The following GJB7 variants were observed in gnomAD, a reference collection of about 807,000 sequenced individuals.
GJB7 encodes gap junction beta-7 protein.
For synonymous variants in GJB7, 87 were observed against 95.2 expected (o/e 0.91, Z 0.50); for missense variants, 253 against 256.8 (o/e 0.99, Z 0.10).
At chr6:87,298,320 T>A (rs1236602388) in intron 2 of GJB7, among the ~76,000 whole-genome samples, 2 of 152,196 alleles carry the variant, frequency 1.3e-5, no homozygotes, top group Non-Finnish European at 2.9e-5. Context: ...TTTTCACTGA[T>A]ATAGAAGCAG....
chr6:87,301,049 C>T (rs550320231), intron 2 of GJB7, among the ~76,000 whole-genome samples: 59 of 152,236 alleles, frequency 3.9e-4, no homozygotes, highest in African/African-American at 8.4e-4. Flanking sequence ...ATTAGAGGGG[C>T]GGTTCCAATA....
intron 1 of GJB7, among the ~76,000 whole-genome samples, chr6:87,323,435 C>G (rs1420949163): frequency 8.4e-6 from 1 of 119,058 alleles, no homozygotes; most frequent in African/African-American, 3.2e-5. Context: ...TCCCCCCACC[C>G]CACAACAGAC....
In GJB7 at chr6:87,323,029, C is replaced by T. The variant is rs1327998648; in HGVS notation, c.-191G>A. 1 of 151,218 alleles carries T rather than the reference C, an allele frequency of 6.6e-6. No individual in the cohort carries two copies. The highest frequency in any genetic ancestry group is 1.5e-5 in the Non-Finnish European group (1 of 68,052). 9.4% of individuals were successfully genotyped at this position (151,218 alleles called of 1,614,324 possible). On this transcript the variant is annotated 5_prime_UTR_variant, in exon 2 of 3. Transcript: ENST00000525899. ...TTTCTTTTGTCATAGTGCGGACACT[C>T]GTGCTTTTTCAGCCCTGCAACACAA... is the stretch of plus-strand genomic sequence containing the variant.
intron 2 of GJB7, among the ~76,000 whole-genome samples, chr6:87,303,908 C>T (rs1776377834): frequency 6.6e-6 from 1 of 152,192 alleles, no homozygotes; most frequent in African/African-American, 2.4e-5. Flanking sequence ...AACTGAACAA[C>T]CTGCCCCTGA....
chr6:87,287,485 C>G (rs1776081235), intron 2 of GJB7, among the ~76,000 whole-genome samples: 1 of 152,174 alleles, frequency 6.6e-6, no homozygotes, highest in Admixed American at 6.5e-5. Flanking sequence ...TCAGGGAAAA[C>G]AAAGCTACAT....
intron 2 of GJB7, among the ~76,000 whole-genome samples, chr6:87,289,262 G>T (rs1230517379): frequency 6.6e-6 from 1 of 152,014 alleles, no homozygotes; most frequent in East Asian, 1.9e-4. Context: ...TGGTATTCTT[G>T]TTCATTATGT....
intron 2 of GJB7, among the ~76,000 whole-genome samples, chr6:87,286,153 T>G (rs1263405703): frequency 6.6e-6 from 1 of 152,216 alleles, no homozygotes; most frequent in Admixed American, 6.5e-5. Flanking sequence ...GGATTCGACT[T>G]CTGCTTTCAC....
intron 2 of GJB7, among the ~76,000 whole-genome samples, chr6:87,301,980 A>G (rs1776335702): frequency 6.6e-6 from 1 of 152,252 alleles, no homozygotes; most frequent in African/African-American, 2.4e-5. Context: ...TAACTGTCAG[A>G]AGGAAAACTA....
At chr6:87,309,612 C>T (rs78942340) in intron 2 of GJB7, among the ~76,000 whole-genome samples, 5,813 of 152,200 alleles carry the variant, frequency 0.038, 382 homozygotes, top group African/African-American at 0.13. Context: ...CTGACAAAAC[C>T]AGTTTCTCAG....
chr6:87,303,059 C>A (rs1161834405), intron 2 of GJB7, among the ~76,000 whole-genome samples: 11 of 152,178 alleles, frequency 7.2e-5, no homozygotes, highest in African/African-American at 2.7e-4. Context: ...CCAGTACCAG[C>A]CACTGCAAAA....
intron 2 of GJB7, among the ~76,000 whole-genome samples, chr6:87,287,651 GA>G (rs1247118043): frequency 6.6e-6 from 1 of 152,046 alleles, no homozygotes; most frequent in African/African-American, 2.4e-5. Flanking sequence ...GATTAAAAAG[GA>G]AAAAATATGT....
intron 1 of GJB7, among the ~76,000 whole-genome samples, chr6:87,328,926 C>T (rs1185648048): frequency 2.0e-5 from 3 of 152,200 alleles, no homozygotes; most frequent in Non-Finnish European, 4.4e-5. Flanking sequence ...TAGGACCCTC[C>T]GAACCACGTG....
intron 1 of GJB7, among the ~76,000 whole-genome samples, 165 bp downstream of exon 1, chr6:87,328,973 C>T (rs1582090586): frequency 6.6e-6 from 1 of 152,206 alleles, no homozygotes; most frequent in African/African-American, 2.4e-5. Context: ...TTTTTAAGCC[C>T]GTCGGAAAAG....
At chr6:87,312,429 T>A (rs1247901344) in intron 2 of GJB7, among the ~76,000 whole-genome samples, 2 of 151,126 alleles carry the variant, frequency 1.3e-5, no homozygotes, top group Admixed American at 6.6e-5. Context: ...AAGAATTGCT[T>A]GAACTCGCGA....
At chr6:87,287,879 T>G (rs1448853496) in intron 2 of GJB7, among the ~76,000 whole-genome samples, 1 of 152,178 alleles carries the variant, frequency 6.6e-6, no homozygotes, top group Non-Finnish European at 1.5e-5. Context: ...ATGACTTTTA[T>G]TTTATAAATG....
intron 2 of GJB7, among the ~76,000 whole-genome samples, chr6:87,302,020 C>A (rs76239806): frequency 6.6e-6 from 1 of 152,130 alleles, no homozygotes; most frequent in East Asian, 1.9e-4. Flanking sequence ...ACACCAAAAC[C>A]CCATCTGTAC....
At chr6:87,309,889 C>T (rs1347039861) in intron 2 of GJB7, among the ~76,000 whole-genome samples, 1 of 152,104 alleles carries the variant, frequency 6.6e-6, no homozygotes, top group African/African-American at 2.4e-5. Flanking sequence ...GTTGTCTGTG[C>T]TATGAGCATT....
At chr6:87,325,412 A>G (rs967255519) in intron 1 of GJB7, among the ~76,000 whole-genome samples, 4 of 147,312 alleles carry the variant, frequency 2.7e-5, no homozygotes, top group African/African-American at 1.0e-4. Flanking sequence ...TTTGTCATAG[A>G]TAGCTCTTAT....
intron 2 of GJB7, among the ~76,000 whole-genome samples, chr6:87,297,182 T>G (rs1276900690): frequency 6.6e-6 from 1 of 152,210 alleles, no homozygotes; most frequent in East Asian, 1.9e-4. Flanking sequence ...TGGGCTTAGT[T>G]TTGATTTAGT....
Sources: allele counts gnomAD v4.1 joint callset (sites outside exome capture counted in the v4.1 genomes callset), GRCh38; gene constraint gnomAD v4.1.1; transcripts MANE v1.5; gene names NCBI Gene and HGNC (gene_info 2026-07-23, HGNC 2026-07-21).